The following OR2C1 variants were observed in gnomAD, a reference collection of about 807,000 sequenced individuals.
The protein encoded by OR2C1 is olfactory receptor 2C1.
For synonymous variants in OR2C1, 209 were observed against 167.3 expected (o/e 1.25, Z -1.92); for missense variants, 468 against 388.3 (o/e 1.21, Z -1.73).
chr16:3,328,928 G>A, the OR2C1 span, among the ~76,000 whole-genome samples: 1 of 151,970 alleles, frequency 6.6e-6, no homozygotes, highest in African/African-American at 2.4e-5. Flanking sequence ...CAAGGTAGCT[G>A]ATGTGCACAG....
chr16:3,325,904 A>T, the OR2C1 span, among the ~76,000 whole-genome samples: 1 of 150,814 alleles, frequency 6.6e-6, no homozygotes, highest in Non-Finnish European at 1.5e-5. Flanking sequence ...TGGAGGTATT[A>T]TACTGCAAGA....
the OR2C1 span, among the ~76,000 whole-genome samples, chr16:3,340,016 C>T: frequency 6.6e-6 from 1 of 152,010 alleles, no homozygotes; most frequent in East Asian, 1.9e-4. Flanking sequence ...CAGTAGCTCA[C>T]GCCTGTAATC....
chr16:3,356,919 CATG>C lies in OR2C1; in HGVS notation c.*41_*43del. 6.9e-7 allele frequency: 1 copy of C among 1,439,772 alleles called. No homozygotes were observed. Among genetic ancestry groups the C allele is most frequent in the Non-Finnish European group, 9.3e-7 (1 of 1,073,642 alleles). 89.2% of individuals were successfully genotyped at this position (1,439,772 alleles called of 1,614,324 possible). A position where few individuals can be genotyped will look rare whatever the true frequency, so the allele number is the denominator to read the frequency against. ...GTTATTTATTGCGTCTTCATCTCTA[CATG>C]CGTTTCTCATTAACTCTCTCTGGCC... On this transcript the variant is annotated 3_prime_UTR_variant, in exon 1 of 1. Transcript: ENST00000304936.
the OR2C1 span, among the ~76,000 whole-genome samples, chr16:3,350,451 G>T: frequency 6.7e-6 from 1 of 150,000 alleles, no homozygotes; most frequent in Admixed American, 6.7e-5. Flanking sequence ...TTGCTCTGTC[G>T]CCCAGGCTGG....
upstream of OR2C1, among the ~76,000 whole-genome samples, chr16:3,353,274 G>A (rs926320649): frequency 6.6e-6 from 1 of 150,712 alleles, no homozygotes; most frequent in Admixed American, 6.6e-5. Flanking sequence ...GGCAGATCAC[G>A]AGGTCAAGAG....
chr16:3,338,757 C>T, the OR2C1 span, among the ~76,000 whole-genome samples: 12 of 152,036 alleles, frequency 7.9e-5, no homozygotes, highest in East Asian at 9.7e-4. Context: ...AGGATGGTCT[C>T]GATCTCCTGA....
chr16:3,348,481 C>G, the OR2C1 span, among the ~76,000 whole-genome samples: 3 of 152,142 alleles, frequency 2.0e-5, no homozygotes, highest in African/African-American at 7.2e-5. Flanking sequence ...TATTGTAAAA[C>G]AGGAATAATA....
At chr16:3,357,594 G>A (rs541547951), downstream of OR2C1, among the ~76,000 whole-genome samples, 52 of 152,150 alleles carry the variant, frequency 3.4e-4, no homozygotes, top group Non-Finnish European at 3.7e-4. Context: ...GGCTGGTCTA[G>A]AATTCTTGGC....
chr16:3,354,020 G>C (rs1209789033), upstream of OR2C1, among the ~76,000 whole-genome samples: 1 of 137,024 alleles, frequency 7.3e-6, no homozygotes, highest in African/African-American at 2.8e-5. Context: ...GTCTAGCTCT[G>C]TTGCCCAGGC....
chr16:3,325,458 AAAATATATATATATAT>A, the OR2C1 span, among the ~76,000 whole-genome samples: 7 of 60,540 alleles, frequency 1.2e-4, no homozygotes, highest in East Asian at 1.9e-3. Flanking sequence ...ATTATGTCTA[AAAATATATATATATAT>A]ATATATATAT....
At chr16:3,345,274 A>G in the OR2C1 span, among the ~76,000 whole-genome samples, 1,485 of 152,060 alleles carry the variant, frequency 9.8e-3, 21 homozygotes, top group Admixed American at 0.026. Flanking sequence ...CACGAGGTCA[A>G]CAGTTCGAGA....
At chr16:3,329,454 A>G in the OR2C1 span, among the ~76,000 whole-genome samples, 1 of 152,028 alleles carries the variant, frequency 6.6e-6, no homozygotes, top group Non-Finnish European at 1.5e-5. Flanking sequence ...GTAAATTATT[A>G]TTATTATTAT....
chr16:3,331,332 T>G, the OR2C1 span, among the ~76,000 whole-genome samples: 784 of 151,870 alleles, frequency 5.2e-3, 11 homozygotes, highest in African/African-American at 0.018. Context: ...TCCCATTTTG[T>G]AGGTTGCCTG....
chr16:3,355,277 A>G (rs888252174), upstream of OR2C1, among the ~76,000 whole-genome samples: 1 of 151,494 alleles, frequency 6.6e-6, no homozygotes, highest in African/African-American at 2.4e-5. Context: ...CCTGGCCAAC[A>G]TGGTGAAACC....
At chr16:3,346,201 T>G in the OR2C1 span, among the ~76,000 whole-genome samples, 1 of 152,126 alleles carries the variant, frequency 6.6e-6, no homozygotes, top group South Asian at 2.1e-4. Flanking sequence ...TGTGTGTGTG[T>G]GTGTATGTTC....
chr16:3,343,317 C>G, the OR2C1 span, among the ~76,000 whole-genome samples: 2 of 152,174 alleles, frequency 1.3e-5, no homozygotes, highest in Non-Finnish European at 2.9e-5. Flanking sequence ...CCAGGCTGGT[C>G]TTGAACTCCT....
chr16:3,348,074 G>A, the OR2C1 span, among the ~76,000 whole-genome samples: 4 of 152,134 alleles, frequency 2.6e-5, no homozygotes, highest in Admixed American at 6.6e-5. Context: ...GGTAAGAAAC[G>A]GAATGAGGGC....
At chr16:3,345,898 A>C in the OR2C1 span, among the ~76,000 whole-genome samples, 2 of 117,682 alleles carry the variant, frequency 1.7e-5, no homozygotes, top group African/African-American at 6.4e-5. Context: ...CAGTTGTGTG[A>C]CCATGGCTCA....
At chr16:3,354,238 A>C (rs1313134600), upstream of OR2C1, among the ~76,000 whole-genome samples, 4 of 151,188 alleles carry the variant, frequency 2.6e-5, no homozygotes, top group African/African-American at 4.9e-5. Flanking sequence ...GCCCACTTTG[A>C]CCTCCCAAAG....
Sources: gnomAD v4.1 joint callset for allele counts (sites outside exome capture counted in the v4.1 genomes callset) on GRCh38, gnomAD v4.1.1 for gene constraint, MANE v1.5 for transcripts, NCBI Gene and HGNC (gene_info 2026-07-23, HGNC 2026-07-21) for gene names.